MCM5: variants seen among roughly 807,000 people sequenced by gnomAD.
MCM5 encodes the protein minichromosome maintenance complex component 5, also known as DNA replication licensing factor MCM5.
A neutral mutation model predicts 79.9 loss-of-function variants in MCM5; 46 were observed. The observed-to-expected ratio is 0.58, with a 90% confidence interval of 0.45 to 0.74. MCM5 has a LOEUF of 0.74. MCM5 is among the 30% of genes least tolerant of loss of function. The pLI is 0.00. For synonymous variants in MCM5, 404 were observed against 390.5 expected, an observed-to-expected ratio of 1.03 and a Z score of -0.41; for missense variants, 883 against 1,017.0, an observed-to-expected ratio of 0.87 and a Z score of 1.79.
chr22:35,428,440 T>G (rs191631384), downstream of MCM5, among the ~76,000 whole-genome samples: 47 of 151,094 alleles, frequency 3.1e-4, 2 homozygotes, highest in African/African-American at 1.1e-3. Flanking sequence ...AGATTACAGG[T>G]GTGAGCCACT....
intron 13 of MCM5, among the ~76,000 whole-genome samples, chr22:35,418,582 C>T (rs1004474954): frequency 1.3e-5 from 2 of 151,940 alleles, no homozygotes; most frequent in African/African-American, 4.8e-5. Flanking sequence ...ATTGCTTGAA[C>T]CCAGGAGGCA....
At chr22:35,442,850 G>C in the MCM5 span, among the ~76,000 whole-genome samples, 1 of 152,256 alleles carries the variant, frequency 6.6e-6, no homozygotes, top group African/African-American at 2.4e-5. Flanking sequence ...CCCCTGACAG[G>C]AGGCATCAGT....
At chr22:35,414,694 A>T (rs1296376357) in intron 9 of MCM5, among the ~76,000 whole-genome samples, 1 of 152,136 alleles carries the variant, frequency 6.6e-6, no homozygotes, top group Non-Finnish European at 1.5e-5. Context: ...AGTACTTTGC[A>T]TATATTTACT....
At chr22:35,413,803 A>T in intron 8 of MCM5, 72 bp from the exon 9 acceptor site, 1 of 883,174 alleles carries the variant, frequency 1.1e-6, no homozygotes, top group Non-Finnish European at 1.9e-6. Flanking sequence ...CAGCCCACCA[A>T]TCTGGTGACT....
Position 35,424,390 on chromosome 22 carries a change from C to T in MCM5, c.*135C>T. 2 of 661,760 alleles carry T rather than the reference C, an allele frequency of 3.0e-6. No homozygotes were observed. Among genetic ancestry groups the T allele is most frequent in the Non-Finnish European group, 5.1e-6 (2 of 393,104 alleles). 41.0% of individuals were successfully genotyped at this position (661,760 alleles called of 1,614,324 possible). On this transcript the variant is annotated 3_prime_UTR_variant, in exon 17 of 17. Coordinates refer to ENST00000216122, the MANE Select transcript of MCM5 (RefSeq NM_006739.4). ...ACTTCCCAGGCACCCTCCTTTCTGC[C>T]CCAGAGGAAGGAGCTGTAGTGTCCT...
chr22:35,413,209 AT>A (rs1932439355), intron 8 of MCM5, among the ~76,000 whole-genome samples: 1 of 151,406 alleles, frequency 6.6e-6, no homozygotes, highest in South Asian at 2.1e-4. Context: ...TGCCCAGCTA[AT>A]TTTTTTTGTA....
At chr22:35,402,861 G>A (rs2145781989) in intron 2 of MCM5, among the ~76,000 whole-genome samples, 1 of 152,308 alleles carries the variant, frequency 6.6e-6, no homozygotes, top group African/African-American at 2.4e-5. Context: ...TGAGCTGTGT[G>A]CATTGTTCTT....
chr22:35,450,726 G>T, the MCM5 span, among the ~76,000 whole-genome samples: 2 of 152,216 alleles, frequency 1.3e-5, no homozygotes, highest in Non-Finnish European at 2.9e-5. Flanking sequence ...CTGAGGCCTC[G>T]TCTGGGGCTC....
intron 14 of MCM5, 31 bp downstream of exon 14, chr22:35,420,043 A>C (rs982752712): frequency 6.3e-7 from 1 of 1,582,352 alleles, no homozygotes; most frequent in African/African-American, 1.3e-5. Flanking sequence ...GGGCCATGGC[A>C]GATGGGGCTT....
rs1321850305 is a variant in MCM5, at chr22:35,415,923, C to G, written c.1298C>G (p.Ala433Gly). The change falls in exon 10 of 17, where the codon GCC becomes GGC. Residue 433 changes from alanine (A) to glycine (G), a missense_variant. Physicochemically the swap from Ala to Gly is moderately conservative, Grantham distance 60 (BLOSUM62 0). Around this residue, in one of 3 missense-constraint regions of MCM5, gnomAD observed 426 missense variants for 482.3 expected, o/e 0.88. Coordinates refer to ENST00000216122, the MANE Select transcript of MCM5 (RefSeq NM_006739.4). ...CGGAATTTCATCATGGAGGGCGGAG[C>G]CATGGTCCTGGCCGATGGTGGGGTC... ...SSRNFIMEGG[A>G]MVLADGGVVC... 12 of 1,614,178 alleles carry G rather than the reference C, an allele frequency of 7.4e-6. No individual in the cohort carries two copies. Among genetic ancestry groups the G allele is most frequent in the African/African-American group, 1.3e-5 (1 of 75,044 alleles).
intron 9 of MCM5, among the ~76,000 whole-genome samples, chr22:35,414,441 G>A (rs1178179208): frequency 6.6e-6 from 1 of 151,932 alleles, no homozygotes; most frequent in African/African-American, 2.4e-5. Context: ...ACAACATGGT[G>A]AAACCCTGTC....
chr22:35,416,287 C>T (rs1569068409), intron 10 of MCM5, 52 bp from the exon 11 acceptor site: 5 of 1,548,724 alleles, frequency 3.2e-6, no homozygotes, highest in Non-Finnish European at 4.5e-6. Flanking sequence ...TCTACTGCTC[C>T]CTGCTCCCTC....
the MCM5 span, among the ~76,000 whole-genome samples, chr22:35,448,518 A>C: frequency 6.6e-6 from 1 of 152,100 alleles, no homozygotes; most frequent in Admixed American, 6.5e-5. Flanking sequence ...CACTCAGCAC[A>C]CATCTGAAGT....
chr22:35,417,633 G>T, intron 12 of MCM5, 111 bp from the exon 13 acceptor site: 2 of 759,718 alleles, frequency 2.6e-6, no homozygotes, highest in Non-Finnish European at 4.7e-6. Context: ...CACCCTTTCC[G>T]GCTCCTTGAT....
Position 35,410,784 on chromosome 22 carries a change from A to G in MCM5, c.793A>G (p.Ile265Val), listed in dbSNP as rs903289977. 4 of 1,614,076 alleles carry G rather than the reference A, an allele frequency of 2.5e-6. No homozygotes were observed. Among genetic ancestry groups the G allele is most frequent in the Non-Finnish European group, 3.4e-6 (4 of 1,180,024 alleles). ...GGTCGTCCCTGGGAACAGGGTTACCATCATGGGCATCTACTCCATCAAGAA... is the reference window on the plus strand; with the variant it reads ...GGTCGTCCCTGGGAACAGGGTTACCGTCATGGGCATCTACTCCATCAAGAA... ...DKVVPGNRVT[I>V]MGIYSIKKFG... Residue 265 changes from isoleucine (I) to valine (V), a missense_variant, in exon 7 of 17, where the codon ATC becomes GTC. Physicochemically the swap from Ile to Val is conservative, Grantham distance 29. Around this residue, in one of 3 missense-constraint regions of MCM5, gnomAD observed 455 missense variants for 517.5 expected, o/e 0.88. Coordinates refer to ENST00000216122, the MANE Select transcript of MCM5 (RefSeq NM_006739.4).
At chr22:35,453,508 G>T in the MCM5 span, among the ~76,000 whole-genome samples, 4 of 146,524 alleles carry the variant, frequency 2.7e-5, no homozygotes, top group Admixed American at 2.0e-4. Context: ...ACAGAGATGG[G>T]GTAGAGCATC....
chr22:35,427,013 G>C (rs1932783138), downstream of MCM5, among the ~76,000 whole-genome samples: 1 of 152,140 alleles, frequency 6.6e-6, no homozygotes, highest in South Asian at 2.1e-4. Context: ...GTTGATCTGG[G>C]AACTAAGACC....
chr22:35,422,462 C>G (rs1932721703), intron 15 of MCM5: 1 of 152,238 alleles, frequency 6.6e-6, no homozygotes, highest in Admixed American at 6.5e-5. Context: ...TGGGGAGGCA[C>G]TTGGGTGAGG....
the MCM5 span, among the ~76,000 whole-genome samples, chr22:35,431,460 C>T: frequency 6.6e-6 from 1 of 152,144 alleles, no homozygotes; most frequent in Non-Finnish European, 1.5e-5. Flanking sequence ...CAAATATACA[C>T]GTGTATTATT....
Sources: allele counts gnomAD v4.1 joint callset (sites outside exome capture counted in the v4.1 genomes callset), GRCh38; gene constraint gnomAD v4.1.1; regional missense constraint gnomAD v4.1.1; transcripts MANE v1.5; gene names NCBI Gene and HGNC (gene_info 2026-07-23, HGNC 2026-07-21).